PDE8A: variants seen among roughly 807,000 people sequenced by gnomAD.
PDE8A encodes the protein phosphodiesterase 8A, also known as high affinity cAMP-specific and IBMX-insensitive 3',5'-cyclic phosphodiesterase 8A.
PDE8A carries 59 observed loss-of-function variants against 105.0 expected under a neutral mutation model. The ratio of observed to expected loss-of-function variants is 0.56; its 90% CI spans 0.46 to 0.70. The LOEUF (loss-of-function observed/expected upper bound fraction) is 0.70, where lower values mean the gene tolerates loss of function less well. Ranked by LOEUF, PDE8A falls within the 30% of genes least tolerant of loss-of-function variation. The pLI is 0.00. For missense variants in PDE8A, 1,014 were observed against 1,045.9 expected, an observed-to-expected ratio of 0.97 and a Z score of 0.42; for synonymous variants, 355 against 371.9, an observed-to-expected ratio of 0.95 and a Z score of 0.52.
At chr15:85,004,748 A>G (rs1162015065) in intron 1 of PDE8A, among the ~76,000 whole-genome samples, 1 of 152,132 alleles carries the variant, frequency 6.6e-6, no homozygotes, top group Non-Finnish European at 1.5e-5. Context: ...GTTTCTTTGA[A>G]TACTTGAACA....
At chr15:85,019,955 T>C (rs1315426983) in intron 1 of PDE8A, among the ~76,000 whole-genome samples, 3 of 141,108 alleles carry the variant, frequency 2.1e-5, no homozygotes, top group African/African-American at 8.0e-5. Flanking sequence ...TTTTTTTTTT[T>C]TTTTTTTTTT....
intron 1 of PDE8A, among the ~76,000 whole-genome samples, chr15:85,020,628 T>C (rs1412806956): frequency 6.6e-6 from 1 of 152,116 alleles, no homozygotes; most frequent in Non-Finnish European, 1.5e-5. Context: ...ACAAAAAGTT[T>C]TTTTAATTTT....
At chr15:85,121,818 A>G (rs2082187299) in intron 18 of PDE8A, among the ~76,000 whole-genome samples, 1 of 152,094 alleles carries the variant, frequency 6.6e-6, no homozygotes, top group Non-Finnish European at 1.5e-5. Context: ...ACTGTGATCT[A>G]CTTTCTGTCT....
intron 18 of PDE8A, among the ~76,000 whole-genome samples, chr15:85,122,244 G>GT (rs2082194072): frequency 6.6e-6 from 1 of 152,104 alleles, no homozygotes; most frequent in Admixed American, 6.5e-5. Flanking sequence ...CTTAAGCTCT[G>GT]TAAGGTCACA....
intron 6 of PDE8A, among the ~76,000 whole-genome samples, chr15:85,088,448 C>T (rs1466979927): frequency 6.6e-6 from 1 of 152,224 alleles, no homozygotes; most frequent in Non-Finnish European, 1.5e-5. Context: ...GACTTCGTGT[C>T]CTTTTATGTC....
intron 1 of PDE8A, among the ~76,000 whole-genome samples, chr15:85,020,724 C>T (rs289409): frequency 0.69 from 104,705 of 152,046 alleles, 36,505 homozygotes; most frequent in Non-Finnish European, 0.75. Context: ...CCAAATGTTA[C>T]TAATATTTTA....
intron 1 of PDE8A, among the ~76,000 whole-genome samples, chr15:85,007,689 C>T (rs150221974): frequency 1.3e-5 from 2 of 152,034 alleles, no homozygotes; most frequent in African/African-American, 4.8e-5. Context: ...GAGAATAATA[C>T]GTACATCACA....
chr15:85,031,752 A>G (rs1272017435), intron 1 of PDE8A, among the ~76,000 whole-genome samples: 1 of 152,180 alleles, frequency 6.6e-6, no homozygotes, highest in East Asian at 1.9e-4. Flanking sequence ...TAAACATCCA[A>G]ATGTTACATG....
At chr15:85,084,415 C>G (rs2081516783) in intron 6 of PDE8A, among the ~76,000 whole-genome samples, 1 of 152,182 alleles carries the variant, frequency 6.6e-6, no homozygotes, top group Non-Finnish European at 1.5e-5. Context: ...AGAAGTGCTG[C>G]TGAGCAGAGG....
chr15:85,054,280 T>A (rs946768275), intron 1 of PDE8A, among the ~76,000 whole-genome samples: 4 of 151,932 alleles, frequency 2.6e-5, no homozygotes, highest in Non-Finnish European at 5.9e-5. Flanking sequence ...TAAAATTCTC[T>A]TTTTTTTGTT....
intron 1 of PDE8A, among the ~76,000 whole-genome samples, chr15:84,993,774 C>T (rs2079931008): frequency 6.6e-6 from 1 of 151,872 alleles, no homozygotes; most frequent in African/African-American, 2.4e-5. Flanking sequence ...ACCTGTAATC[C>T]CAGCTACTTA....
At chr15:85,083,307 GC>G (rs2081496867) in intron 5 of PDE8A, among the ~76,000 whole-genome samples, 3 of 132,828 alleles carry the variant, frequency 2.3e-5, no homozygotes, top group Non-Finnish European at 4.6e-5. Context: ...TGAAAGAAAA[GC>G]CTTTTTTTTT....
Position 85,120,617 on chromosome 15 carries a change from T to C in PDE8A, c.1735-180T>C, listed in dbSNP as rs1038420407. On this transcript the variant is annotated intron_variant, in intron 17 of 21. Transcript: ENST00000394553. ...TTAACTTGTGTGAGACTAACAAATA[T>C]GCAGAAATATAACTGTTTCAGGGTG... 54 of 546,228 alleles carry C rather than the reference T, an allele frequency of 9.9e-5. 2 individuals are homozygous for C. The highest frequency in any genetic ancestry group is 3.4e-4 in the South Asian group (13 of 38,052). 33.8% of individuals were successfully genotyped at this position (546,228 alleles called of 1,614,324 possible).
At chr15:85,066,331 C>T (rs181119178) in intron 2 of PDE8A, among the ~76,000 whole-genome samples, 7 of 151,996 alleles carry the variant, frequency 4.6e-5, no homozygotes, top group Admixed American at 4.6e-4. Flanking sequence ...GAGGCCACAG[C>T]AGGTGGATCA....
At chr15:85,031,803 G>T (rs1198911357) in intron 1 of PDE8A, among the ~76,000 whole-genome samples, 1 of 152,118 alleles carries the variant, frequency 6.6e-6, no homozygotes, top group Non-Finnish European at 1.5e-5. Flanking sequence ...TTCATAAATC[G>T]CTAGAGGCTG....
At chr15:85,060,834 A>G (rs2081132937) in intron 1 of PDE8A, among the ~76,000 whole-genome samples, 2 of 152,350 alleles carry the variant, frequency 1.3e-5, no homozygotes, top group East Asian at 1.9e-4. Context: ...TAAGCCATTT[A>G]TACAATAGCA....
intron 1 of PDE8A, among the ~76,000 whole-genome samples, chr15:85,046,406 G>T (rs1249897081): frequency 2.6e-5 from 4 of 152,106 alleles, no homozygotes; most frequent in African/African-American, 7.2e-5. Flanking sequence ...AAAACTACAA[G>T]TCCTGTATTA....
At chr15:84,995,464 C>T (rs1336914042) in intron 1 of PDE8A, among the ~76,000 whole-genome samples, 1 of 152,020 alleles carries the variant, frequency 6.6e-6, no homozygotes, top group Non-Finnish European at 1.5e-5. Context: ...ACTACAGGTA[C>T]GCACCACCAC....
chr15:84,990,950 T>G (rs1337299165), intron 1 of PDE8A, among the ~76,000 whole-genome samples: 1 of 152,232 alleles, frequency 6.6e-6, no homozygotes, highest in Non-Finnish European at 1.5e-5. Flanking sequence ...TGGTATCTCA[T>G]TGTGGTTTTG....
Sources: allele counts gnomAD v4.1 joint callset (sites outside exome capture counted in the v4.1 genomes callset), GRCh38; gene constraint gnomAD v4.1.1; transcripts MANE v1.5; gene names NCBI Gene and HGNC (gene_info 2026-07-23, HGNC 2026-07-21).